The following SH3KBP1 variants were observed in gnomAD, a reference collection of about 807,000 sequenced individuals.
SH3KBP1 encodes the protein SH3 domain-containing kinase-binding protein 1.
In SH3KBP1, 8 loss-of-function variants were observed where a neutral mutation model predicts 50.1. The ratio of observed to expected loss-of-function variants is 0.16; its 90% CI spans 0.09 to 0.29. The LOEUF (loss-of-function observed/expected upper bound fraction) is 0.29. Among genes scored for constraint, SH3KBP1 ranks in the 10% least tolerant of loss-of-function variants. SH3KBP1 has a pLI of 1.00. For missense variants in SH3KBP1, 377 were observed against 535.2 expected (o/e 0.70, Z 2.92); for synonymous variants, 227 against 218.6 (o/e 1.04, Z -0.34).
Position 19,872,615 on chromosome X carries a change from A to C in SH3KBP1, c.4+14692T>G, listed in dbSNP as rs766897998. Among the ~76,000 whole-genome samples the C allele has an allele frequency of 3.8e-3, 418 of 109,686 alleles. 3 individuals carry two copies. The highest frequency in any genetic ancestry group is 5.2e-3 in the Non-Finnish European group (276 of 52,633). On this transcript the variant is annotated intron_variant, in intron 1 of 17. Transcript: ENST00000397821. ...TGAAACCTCATCTCTGCTAAAAAAA[A>C]AATACAAAAAATTAGCTGGACATGG...
chrX:19,882,202 A>G (rs962594452), intron 1 of SH3KBP1, among the ~76,000 whole-genome samples: 1 of 111,864 alleles, frequency 8.9e-6, no homozygotes, highest in Non-Finnish European at 1.9e-5. Context: ...AAGAGAAACC[A>G]GGAAACGTCA....
At chrX:19,696,384 A>T (rs1005085624) in intron 4 of SH3KBP1, among the ~76,000 whole-genome samples, 1 of 112,298 alleles carries the variant, frequency 8.9e-6, no homozygotes, top group Admixed American at 9.5e-5. Context: ...AGCCTAAAAA[A>T]ATATAGTTAA....
At chrX:19,847,418 G>C (rs1236515812) in intron 1 of SH3KBP1, among the ~76,000 whole-genome samples, 1 of 110,304 alleles carries the variant, frequency 9.1e-6, no homozygotes, top group Non-Finnish European at 1.9e-5. Flanking sequence ...TGTTGTCGAG[G>C]GGCAAGAAAC....
chrX:19,648,817 G>A (rs1016995632), intron 6 of SH3KBP1, among the ~76,000 whole-genome samples: 22 of 110,969 alleles, frequency 2.0e-4, no homozygotes, highest in African/African-American at 6.6e-4. Flanking sequence ...TCTAGCCCCC[G>A]CCCTTCCCTA....
chrX:19,729,937 T>C (rs1313196278), intron 3 of SH3KBP1, among the ~76,000 whole-genome samples: 1 of 112,057 alleles, frequency 8.9e-6, no homozygotes, highest in East Asian at 2.8e-4. Flanking sequence ...AGGATTTTCA[T>C]TTCTAGTGTA....
chrX:19,548,587 T>A (rs73631345), intron 14 of SH3KBP1, among the ~76,000 whole-genome samples: 3,797 of 111,111 alleles, frequency 0.034, 156 homozygotes, highest in African/African-American at 0.12. Context: ...TTTTTCATAC[T>A]AAGAGGAAAA....
intron 1 of SH3KBP1, among the ~76,000 whole-genome samples, chrX:19,839,469 T>G (rs2068162145): frequency 9.1e-6 from 1 of 110,151 alleles, no homozygotes; most frequent in African/African-American, 3.3e-5. Context: ...CCCAAGTAGC[T>G]GGGACTACAG....
At position 19,788,269 on chromosome X, in the gene SH3KBP1, C is replaced by CAAAAAA. The variant is rs1227301099; in HGVS notation, c.163-41834_163-41829dup. ...GAGCAACAGAGCAAGATTCTATCTC[C>CAAAAAA]AAAAAAAAAAAAAAAACAAAAAAAA... is the stretch of plus-strand genomic sequence containing the variant. On this transcript the variant is annotated intron_variant, in intron 2 of 17. Transcript: ENST00000397821. Among the ~76,000 whole-genome samples, 124 of 25,554 alleles carry CAAAAAA rather than the reference C, an allele frequency of 4.9e-3. 1 individual carries two copies. The highest frequency in any genetic ancestry group is 8.4e-3 in the African/African-American group (84 of 9,962). The allele number at this position is 25,554 out of a possible 115,157, so 22.2% of individuals were successfully genotyped here.
chrX:19,881,612 G>A (rs1029701282), intron 1 of SH3KBP1, among the ~76,000 whole-genome samples: 4 of 111,555 alleles, frequency 3.6e-5, no homozygotes, highest in Admixed American at 9.5e-5. Flanking sequence ...TCCTGCCCTT[G>A]TGGTGCTTAT....
chrX:19,808,536 A>C, intron 2 of SH3KBP1, among the ~76,000 whole-genome samples: 1 of 109,944 alleles, frequency 9.1e-6, no homozygotes, highest in African/African-American at 3.3e-5. Context: ...ATTTTCCCTC[A>C]CCCTCCCAGT....
chrX:19,577,154 C>G (rs975769327), intron 12 of SH3KBP1, among the ~76,000 whole-genome samples: 1 of 112,119 alleles, frequency 8.9e-6, no homozygotes, highest in Non-Finnish European at 1.9e-5. Context: ...GAGAACCCCA[C>G]CTGTGACAAC....
chrX:19,730,338 G>A (rs1207162389), intron 3 of SH3KBP1, among the ~76,000 whole-genome samples: 2 of 112,019 alleles, frequency 1.8e-5, no homozygotes, highest in Non-Finnish European at 3.8e-5. Context: ...TAAGCAGCAC[G>A]CTGTGTTCAT....
chrX:19,638,846 C>T (rs529405119), intron 7 of SH3KBP1, among the ~76,000 whole-genome samples: 9 of 111,970 alleles, frequency 8.0e-5, no homozygotes, highest in East Asian at 2.8e-4. Flanking sequence ...AATAACTGAG[C>T]GTCCACTGCA....
intron 1 of SH3KBP1, among the ~76,000 whole-genome samples, chrX:19,843,739 G>T (rs2068288144): frequency 9.0e-6 from 1 of 111,570 alleles, no homozygotes; most frequent in Non-Finnish European, 1.9e-5. Flanking sequence ...GTCTGTAGCA[G>T]GCCCAGTAGC....
chrX:19,877,306 T>TTGAGAAGCTATTATGTAA (rs2069284189), intron 1 of SH3KBP1, among the ~76,000 whole-genome samples: 3 of 111,808 alleles, frequency 2.7e-5, no homozygotes, highest in Non-Finnish European at 5.6e-5. Flanking sequence ...TCAAGTGAAT[T>TTGAGAAGCTATTATGTAA]TGAGAAGCTA....
intron 7 of SH3KBP1, among the ~76,000 whole-genome samples, chrX:19,633,030 T>C (rs1003100404): frequency 8.9e-6 from 1 of 112,136 alleles, no homozygotes; most frequent in Non-Finnish European, 1.9e-5. Context: ...GTCCCTAGTG[T>C]AATTTATATT....
intron 2 of SH3KBP1, among the ~76,000 whole-genome samples, chrX:19,773,468 G>GTC (rs549190221): frequency 7.2e-5 from 7 of 97,836 alleles, no homozygotes; most frequent in Non-Finnish European, 1.0e-4. Context: ...TTCAGTCTCT[G>GTC]TCTCTCTCTC....
At chrX:19,651,982 A>G (rs1264003095) in intron 6 of SH3KBP1, among the ~76,000 whole-genome samples, 2 of 111,822 alleles carry the variant, frequency 1.8e-5, no homozygotes, top group Non-Finnish European at 3.8e-5. Flanking sequence ...TCCTTACAAA[A>G]TGAGAGGTCG....
intron 12 of SH3KBP1, among the ~76,000 whole-genome samples, chrX:19,578,954 T>C (rs930195525): frequency 2.7e-5 from 3 of 111,419 alleles, no homozygotes; most frequent in Non-Finnish European, 3.8e-5. Flanking sequence ...AGTCCCCACA[T>C]ACTCACCTGG....
Sources: gnomAD v4.1 joint callset for allele counts (sites outside exome capture counted in the v4.1 genomes callset) on GRCh38, gnomAD v4.1.1 for gene constraint, MANE v1.5 for transcripts, NCBI Gene and HGNC (gene_info 2026-07-23, HGNC 2026-07-21) for gene names.